SMIM31: variants seen among roughly 807,000 people sequenced by gnomAD.
SMIM31 encodes small integral membrane protein 31, also known as human epithelial cell program regulator.
At chr4:164,770,288 T>C in intron 1 of SMIM31, 131 bp from the exon 2 acceptor site, 1 of 391,366 alleles carries the variant, frequency 2.6e-6, no homozygotes. Flanking sequence ...AAATACATTG[T>C]TCCAGGTACA....
At chr4:164,769,885 A>T (rs1181502903) in intron 1 of SMIM31, among the ~76,000 whole-genome samples, 1 of 152,136 alleles carries the variant, frequency 6.6e-6, no homozygotes, top group African/African-American at 2.4e-5. Context: ...TAGTATATTG[A>T]TTAAGAGTGA....
intron 2 of SMIM31, among the ~76,000 whole-genome samples, chr4:164,792,037 T>C (rs1406992916): frequency 6.6e-6 from 1 of 152,368 alleles, no homozygotes; most frequent in Non-Finnish European, 1.5e-5. Context: ...CAAAGTTCCA[T>C]TGAATTAGCT....
At chr4:164,773,029 T>TAAAA (rs56863708) in intron 2 of SMIM31, among the ~76,000 whole-genome samples, 71 of 76,656 alleles carry the variant, frequency 9.3e-4, no homozygotes, top group African/African-American at 3.2e-3. Context: ...CACTTGGCTT[T>TAAAA]AAAAAAAAAA....
chr4:164,767,240 G>A (rs893360676), intron 1 of SMIM31, among the ~76,000 whole-genome samples: 1 of 152,134 alleles, frequency 6.6e-6, no homozygotes, highest in Non-Finnish European at 1.5e-5. Context: ...GGTCGGGATA[G>A]TCTAATGACC....
intron 2 of SMIM31, among the ~76,000 whole-genome samples, chr4:164,797,764 A>G (rs1733221749): frequency 1.3e-5 from 2 of 151,860 alleles, no homozygotes; most frequent in South Asian, 2.1e-4. Flanking sequence ...CGCCTGGCCT[A>G]AAGTGCAAAT....
chr4:164,790,852 C>T (rs529654273), intron 2 of SMIM31, among the ~76,000 whole-genome samples: 1 of 151,968 alleles, frequency 6.6e-6, no homozygotes, highest in Non-Finnish European at 1.5e-5. Context: ...AATAAAAGAC[C>T]TTAACAATTT....
chr4:164,781,962 C>T (rs778174464), intron 2 of SMIM31, among the ~76,000 whole-genome samples: 1 of 152,154 alleles, frequency 6.6e-6, no homozygotes, highest in Non-Finnish European at 1.5e-5. Context: ...TTTGTCTGTG[C>T]ATTTATCAAA....
At chr4:164,780,498 C>G (rs1732935785) in intron 2 of SMIM31, among the ~76,000 whole-genome samples, 1 of 152,198 alleles carries the variant, frequency 6.6e-6, no homozygotes, top group Admixed American at 6.5e-5. Flanking sequence ...GGGCCTAGGC[C>G]AGGTGTGTCC....
intron 1 of SMIM31, among the ~76,000 whole-genome samples, chr4:164,763,553 A>G (rs1417138331): frequency 6.6e-6 from 1 of 152,186 alleles, no homozygotes; most frequent in Non-Finnish European, 1.5e-5. Context: ...GTGACACAGA[A>G]AAGGGGATGA....
intron 1 of SMIM31, among the ~76,000 whole-genome samples, chr4:164,757,340 G>A (rs1732578385): frequency 6.6e-6 from 1 of 152,072 alleles, no homozygotes; most frequent in African/African-American, 2.4e-5. Context: ...TATGCATTTT[G>A]TTAATATTCT....
At chr4:164,793,623 T>C (rs879658341) in intron 2 of SMIM31, among the ~76,000 whole-genome samples, 15 of 152,172 alleles carry the variant, frequency 9.9e-5, no homozygotes, top group Non-Finnish European at 1.8e-4. Context: ...ATTTCTTCTT[T>C]GTGTGAATGC....
intron 1 of SMIM31, among the ~76,000 whole-genome samples, chr4:164,769,941 T>C (rs911520955): frequency 6.6e-6 from 1 of 152,200 alleles, no homozygotes; most frequent in Non-Finnish European, 1.5e-5. Flanking sequence ...ACCTCTACCA[T>C]ATACTAGATT....
intron 2 of SMIM31, among the ~76,000 whole-genome samples, chr4:164,800,836 A>G (rs1733273658): frequency 6.6e-6 from 1 of 152,114 alleles, no homozygotes; most frequent in Non-Finnish European, 1.5e-5. Context: ...CACACCTTAC[A>G]AAAGATGTCA....
intron 2 of SMIM31, among the ~76,000 whole-genome samples, chr4:164,788,472 A>ATTTTTTTTTTTTTTTTT (rs1187569698): frequency 5.0e-5 from 3 of 60,502 alleles, no homozygotes; most frequent in Non-Finnish European, 7.1e-5. Context: ...CTTTCTTCTA[A>ATTTTTTTTTTTTTTTTT]TTTTTCTTTT....
At chr4:164,772,648 G>T (rs548973879) in intron 2 of SMIM31, among the ~76,000 whole-genome samples, 1 of 150,074 alleles carries the variant, frequency 6.7e-6, no homozygotes, top group East Asian at 2.0e-4. Context: ...GCGCGATCTC[G>T]ACTCACTGCA....
intron 2 of SMIM31, among the ~76,000 whole-genome samples, chr4:164,772,678 A>C (rs1186876122): frequency 6.6e-6 from 1 of 150,468 alleles, no homozygotes; most frequent in Admixed American, 6.6e-5. Context: ...TCCCGGGTTC[A>C]CGCCATTCTC....
chr4:164,768,045 C>G (rs1389741725), intron 1 of SMIM31, among the ~76,000 whole-genome samples: 1 of 149,656 alleles, frequency 6.7e-6, no homozygotes, highest in African/African-American at 2.4e-5. Context: ...CCAGCCTGGG[C>G]AACATAATGA....
chr4:164,799,605 T>C (rs1393372992), intron 2 of SMIM31, among the ~76,000 whole-genome samples: 3 of 152,114 alleles, frequency 2.0e-5, no homozygotes, highest in African/African-American at 7.2e-5. Flanking sequence ...ATGAAACCCA[T>C]TCACATGGGG....
intron 2 of SMIM31, among the ~76,000 whole-genome samples, chr4:164,800,382 A>G (rs1733267119): frequency 1.3e-5 from 2 of 151,868 alleles, no homozygotes; most frequent in African/African-American, 4.8e-5. Context: ...TAATTTTTTA[A>G]TTTTTAGTAG....
Sources: gnomAD v4.1 joint callset for allele counts (sites outside exome capture counted in the v4.1 genomes callset) on GRCh38, gnomAD v4.1.1 for gene constraint, MANE v1.5 for transcripts, NCBI Gene and HGNC (gene_info 2026-07-23, HGNC 2026-07-21) for gene names.